The following INO80D variants were observed in gnomAD, a reference collection of about 807,000 sequenced individuals.
INO80D encodes INO80 complex subunit D.
Under a neutral mutation model 87.6 loss-of-function variants are expected in INO80D, and 21 were observed. That is an observed-to-expected ratio of 0.24 (90% CI 0.17 to 0.35). The LOEUF (loss-of-function observed/expected upper bound fraction) is 0.35, where lower values mean the gene tolerates loss of function less well. INO80D is among the 10% of genes least tolerant of loss of function. The pLI is 1.00. For missense variants in INO80D, 982 were observed against 1,280.7 expected (o/e 0.77, Z 3.56); for synonymous variants, 440 against 491.0 (o/e 0.90, Z 1.37).
intron 1 of INO80D, among the ~76,000 whole-genome samples, chr2:206,071,220 A>G: frequency 7.3e-6 from 1 of 136,978 alleles, no homozygotes; most frequent in East Asian, 2.3e-4. Context: ...CAGCCTCCCA[A>G]AGTGCTGGGA....
At chr2:206,079,540 C>T (rs562094246) in intron 1 of INO80D, among the ~76,000 whole-genome samples, 7 of 152,254 alleles carry the variant, frequency 4.6e-5, no homozygotes, top group Non-Finnish European at 1.0e-4. Flanking sequence ...TATGAGATCG[C>T]CTTACCTCCT....
Position 206,056,814 on chromosome 2 carries a change from G to A in INO80D, c.348C>T (p.Pro116=), listed in dbSNP as rs1689538954. The change falls in exon 4 of 11, where the codon CCC becomes CCT. Residue 116 remains proline (P), a synonymous_variant. Transcript: ENST00000403263. ...CGTTGGGCATCTTCAAGGCCAACGTGGGCACTGTCAGGCTAAAGGCCATGG... is the reference window on the plus strand; with the variant it reads ...CGTTGGGCATCTTCAAGGCCAACGTAGGCACTGTCAGGCTAAAGGCCATGG... The part of the protein sequence containing the change: ...MDTMAFSLTV[P]TLALKMPNGL... 1.2e-6 allele frequency: 2 copies of A among 1,612,272 alleles called. No individual in the cohort carries two copies. Among genetic ancestry groups the A allele is most frequent in the Non-Finnish European group, 1.7e-6 (2 of 1,179,170 alleles).
chr2:206,048,183 C>CA (rs1689251217), intron 4 of INO80D, among the ~76,000 whole-genome samples: 1 of 151,862 alleles, frequency 6.6e-6, no homozygotes, highest in African/African-American at 2.4e-5. Context: ...CAAAAAATGT[C>CA]AGACTTTGTG....
chr2:206,021,695 C>A (rs551941394), intron 6 of INO80D, among the ~76,000 whole-genome samples: 4 of 152,216 alleles, frequency 2.6e-5, no homozygotes, highest in Admixed American at 2.6e-4. Context: ...TCACTGCAAC[C>A]CTCACCTCCC....
intron 5 of INO80D, among the ~76,000 whole-genome samples, chr2:206,036,880 C>A (rs933911592): frequency 2.0e-5 from 3 of 152,162 alleles, no homozygotes; most frequent in African/African-American, 7.2e-5. Context: ...AGACCAGTAA[C>A]AAGCAGTTTG....
intron 5 of INO80D, among the ~76,000 whole-genome samples, chr2:206,041,055 T>C (rs1313040866): frequency 6.6e-6 from 1 of 152,002 alleles, no homozygotes; most frequent in Non-Finnish European, 1.5e-5. Context: ...TAAAGATGTA[T>C]GATATAAACC....
chr2:206,069,612 A>C (rs572693214), intron 1 of INO80D, among the ~76,000 whole-genome samples: 1 of 152,272 alleles, frequency 6.6e-6, no homozygotes, highest in South Asian at 2.1e-4. Flanking sequence ...CTATACTTTC[A>C]AGTTGTTCAA....
rs1166000483 is a variant in INO80D, at chr2:206,004,341, C to A, written c.*27G>T. 3.2e-6 allele frequency: 5 copies of A among 1,555,192 alleles called. No homozygotes were observed. The African/African-American group carries it at 6.8e-5, about 21-fold the overall frequency. On this transcript the variant is annotated 3_prime_UTR_variant, in exon 11 of 11. Transcript: ENST00000403263. The surrounding 1 kb of genome is among the most constrained non-coding windows in gnomAD (Gnocchi z 4.9). Reference sequence around the variant, plus strand: ...CAAAGATAGAAAACACTGGGTTCCCCACCTGCCTGCAAACACACAGACACC... The same window carrying A: ...CAAAGATAGAAAACACTGGGTTCCCAACCTGCCTGCAAACACACAGACACC...
chr2:206,017,786 A>G lies in INO80D; in HGVS notation c.1436T>C (p.Leu479Pro), dbSNP rs1186850988. ...AAACTTGGCTGTGCAACTTGAGAAGAGCTGCTGAGAGTGGTTCAAGAGGAT... is the reference window on the plus strand; with the variant it reads ...AAACTTGGCTGTGCAACTTGAGAAGGGCTGCTGAGAGTGGTTCAAGAGGAT... ...QHILLNHSQQ[L>P]FSSCTAKFAD... The change falls in exon 8 of 11, where the codon CTC (leucine) becomes CCC (proline). Residue 479 changes from leucine (L) to proline (P), a missense_variant. Transcript: ENST00000403263. 1.2e-6 allele frequency: 2 copies of G among 1,613,528 alleles called. No individual in the cohort carries two copies. Among genetic ancestry groups the G allele is most frequent in the Admixed American group, 1.7e-5 (1 of 59,886 alleles).
chr2:206,046,129 T>A (rs1400241776), intron 5 of INO80D, among the ~76,000 whole-genome samples: 1 of 152,216 alleles, frequency 6.6e-6, no homozygotes, highest in Non-Finnish European at 1.5e-5. Context: ...TTACCACCAA[T>A]TTTTTAGAGT....
intron 5 of INO80D, among the ~76,000 whole-genome samples, chr2:206,032,969 A>G (rs1261792227): frequency 6.6e-6 from 1 of 152,354 alleles, no homozygotes; most frequent in East Asian, 1.9e-4. Context: ...AATGAAAGCA[A>G]CGGTACCTCA....
At chr2:206,038,390 T>C (rs1194841969) in intron 5 of INO80D, among the ~76,000 whole-genome samples, 3 of 152,198 alleles carry the variant, frequency 2.0e-5, no homozygotes, top group Admixed American at 6.5e-5. Context: ...TAACAGCATA[T>C]GGTAGTTTAG....
At chr2:206,008,757 A>G (rs1688092996) in intron 9 of INO80D, among the ~76,000 whole-genome samples, 3 of 152,246 alleles carry the variant, frequency 2.0e-5, no homozygotes, top group Admixed American at 2.0e-4. Context: ...CTACTAGGTA[A>G]TACTTTTACT....
At chr2:206,061,332 C>G (rs753412551) in intron 3 of INO80D, among the ~76,000 whole-genome samples, 21 of 152,226 alleles carry the variant, frequency 1.4e-4, no homozygotes, top group Non-Finnish European at 2.5e-4. Flanking sequence ...TAAGATAATT[C>G]TTGCTTTGGC....
intron 6 of INO80D, among the ~76,000 whole-genome samples, chr2:206,022,474 T>C (rs1688490798): frequency 6.6e-6 from 1 of 152,166 alleles, no homozygotes; most frequent in South Asian, 2.1e-4. Context: ...CCAAAACTTT[T>C]TCATGTTTTT....
chr2:206,058,696 T>C (rs1689600451), intron 3 of INO80D, among the ~76,000 whole-genome samples: 1 of 152,082 alleles, frequency 6.6e-6, no homozygotes, highest in African/African-American at 2.4e-5. Flanking sequence ...ACTGCACCAC[T>C]GCATTCCAGC....
chr2:206,082,808 T>C (rs993158580), intron 1 of INO80D, among the ~76,000 whole-genome samples: 4 of 152,234 alleles, frequency 2.6e-5, no homozygotes, highest in Non-Finnish European at 4.4e-5. Context: ...ATAAATAGTT[T>C]AGCATTTTTT....
intron 1 of INO80D, among the ~76,000 whole-genome samples, chr2:206,080,836 A>G (rs1338574008): frequency 2.5e-4 from 36 of 144,782 alleles, no homozygotes; most frequent in Non-Finnish European, 9.0e-5. Context: ...CCGGGAGGTG[A>G]AGCTTGCAGT....
chr2:206,045,027 C>A (rs1187508446), intron 5 of INO80D, among the ~76,000 whole-genome samples: 1 of 152,154 alleles, frequency 6.6e-6, no homozygotes, highest in Admixed American at 6.5e-5. Context: ...GTATAACATT[C>A]TCCAATACTA....
Sources: allele counts gnomAD v4.1 joint callset (sites outside exome capture counted in the v4.1 genomes callset), GRCh38; gene constraint gnomAD v4.1.1; non-coding constraint Gnocchi (gnomAD v3.1); transcripts MANE v1.5; gene names NCBI Gene and HGNC (gene_info 2026-07-23, HGNC 2026-07-21).